STAB2: variants seen among roughly 807,000 people sequenced by gnomAD.
STAB2 encodes stabilin-2.
In STAB2, 288 loss-of-function variants were observed where a neutral mutation model predicts 338.1. The observed-to-expected ratio is 0.85, with a 90% confidence interval of 0.77 to 0.94. The LOEUF (loss-of-function observed/expected upper bound fraction) is 0.94, where lower values mean the gene tolerates loss of function less well. Ranked by LOEUF, STAB2 falls within the 40% of genes least tolerant of loss-of-function variation. The probability of loss-of-function intolerance (pLI) is 0.00; values close to 1 mark genes in which losing one functional copy is unlikely to be tolerated. For synonymous variants in STAB2, 1,202 were observed against 1,193.3 expected, an observed-to-expected ratio of 1.01 and a Z score of -0.15; for missense variants, 3,141 against 3,210.1, an observed-to-expected ratio of 0.98 and a Z score of 0.52.
intron 18 of STAB2, among the ~76,000 whole-genome samples, 179 bp downstream of exon 18, chr12:103,663,177 T>C (rs1205321696): frequency 2.6e-5 from 4 of 152,208 alleles, no homozygotes; most frequent in African/African-American, 9.6e-5. Flanking sequence ...TCATAAACTG[T>C]GAACCACAGT....
intron 44 of STAB2, among the ~76,000 whole-genome samples, chr12:103,723,836 AG>A (rs1161196033): frequency 1.3e-5 from 2 of 151,902 alleles, no homozygotes; most frequent in Non-Finnish European, 2.9e-5. Flanking sequence ...GTAAGCTCAA[AG>A]GAGGGGAGGT....
intron 33 of STAB2, among the ~76,000 whole-genome samples, chr12:103,698,327 G>C (rs894736326): frequency 3.9e-5 from 6 of 152,106 alleles, no homozygotes; most frequent in Non-Finnish European, 5.9e-5. Flanking sequence ...TTCCCTTTCT[G>C]ATCTCACTAA....
chr12:103,670,815 G>A lies in STAB2; in HGVS notation c.2371+8G>A. 4 of 1,609,348 alleles carry A rather than the reference G, an allele frequency of 2.5e-6. No individual in the cohort carries two copies. Among genetic ancestry groups the A allele is most frequent in the Non-Finnish European group, 3.4e-6 (4 of 1,176,672 alleles). On this transcript the variant is annotated splice_region_variant and intron_variant, in intron 22 of 68. Transcript: ENST00000388887. Reference sequence around the variant, plus strand: ...GACCTCGGTGTAACAAAAGTAAGTGGCACTTCCAGAGCTTCCTTCCACTCC... The same window carrying A: ...GACCTCGGTGTAACAAAAGTAAGTGACACTTCCAGAGCTTCCTTCCACTCC...
In STAB2 at chr12:103,727,296, A is replaced by C. The variant is rs1438981670; in HGVS notation, c.4881A>C (p.Pro1627=). The C allele has an allele frequency of 6.2e-7, 1 of 1,614,268 alleles. No homozygotes were observed. The highest frequency in any genetic ancestry group is 1.1e-5 in the South Asian group (1 of 91,092). Reference sequence around the variant, plus strand: ...ATTTCGTGAAAGATCTGGTCGGCCCAGGCCCCTTCACTGTTTTTGCACCTT... The same window carrying C: ...ATTTCGTGAAAGATCTGGTCGGCCCCGGCCCCTTCACTGTTTTTGCACCTT... The part of the protein sequence containing the change: ...QEHFVKDLVG[P]GPFTVFAPLS... The change falls in exon 47 of 69, where the codon CCA becomes CCC. Residue 1627 remains proline (P), a synonymous_variant. Coordinates refer to ENST00000388887, the MANE Select transcript of STAB2 (RefSeq NM_017564.10).
chr12:103,724,739 C>T (rs1046870086), intron 44 of STAB2, among the ~76,000 whole-genome samples: 2 of 152,106 alleles, frequency 1.3e-5, no homozygotes, highest in Non-Finnish European at 2.9e-5. Flanking sequence ...CTGTACAGGG[C>T]TGGAGATCTG....
intron 25 of STAB2, among the ~76,000 whole-genome samples, chr12:103,681,156 G>A (rs1876863639): frequency 6.6e-6 from 1 of 152,202 alleles, no homozygotes; most frequent in Non-Finnish European, 1.5e-5. Context: ...TCATGGGTCT[G>A]GAGAAAATTA....
intron 29 of STAB2, 107 bp downstream of exon 29, chr12:103,690,089 CT>C: frequency 6.9e-7 from 1 of 1,459,404 alleles, no homozygotes; most frequent in Non-Finnish European, 9.3e-7. Context: ...ATTCGTGGAG[CT>C]GAACATGTTC....
intron 7 of STAB2, among the ~76,000 whole-genome samples, chr12:103,637,476 C>T (rs1957566839): frequency 6.6e-6 from 1 of 152,172 alleles, no homozygotes; most frequent in South Asian, 2.1e-4. Context: ...AATGTTAGAA[C>T]ATTTAATGCT....
intron 52 of STAB2, among the ~76,000 whole-genome samples, chr12:103,736,170 A>C (rs534635111): frequency 1.3e-5 from 2 of 152,250 alleles, no homozygotes; most frequent in Non-Finnish European, 2.9e-5. Flanking sequence ...ATTCTCTTTC[A>C]TAAAAGAAAT....
intron 2 of STAB2, among the ~76,000 whole-genome samples, chr12:103,593,840 A>G (rs1342098222): frequency 6.6e-6 from 1 of 152,250 alleles, no homozygotes; most frequent in Non-Finnish European, 1.5e-5. Flanking sequence ...GTTATTCCAG[A>G]ACTATATCTC....
intron 5 of STAB2, among the ~76,000 whole-genome samples, chr12:103,625,311 T>C (rs1451512381): frequency 6.6e-6 from 1 of 152,184 alleles, no homozygotes; most frequent in Admixed American, 6.5e-5. Flanking sequence ...CCTTCACACT[T>C]AGTGTTGTGG....
chr12:103,680,791 A>C (rs1876829869), intron 25 of STAB2, among the ~76,000 whole-genome samples: 2 of 152,256 alleles, frequency 1.3e-5, no homozygotes. Flanking sequence ...TGGTGTCCCC[A>C]GAGCCAAATG....
intron 30 of STAB2, 90 bp from the exon 31 acceptor site, chr12:103,692,722 C>A: frequency 9.4e-7 from 1 of 1,061,936 alleles, no homozygotes; most frequent in Non-Finnish European, 1.4e-6. Context: ...AAGGTCACTG[C>A]TGCTCAAAAA....
At chr12:103,620,243 A>C (rs1411388248) in intron 3 of STAB2, among the ~76,000 whole-genome samples, 1 of 152,252 alleles carries the variant, frequency 6.6e-6, no homozygotes, top group Non-Finnish European at 1.5e-5. Flanking sequence ...CAAACTCTCA[A>C]GAAATGGTAG....
intron 26 of STAB2, 129 bp downstream of exon 26, chr12:103,683,429 C>T (rs1390522461): frequency 2.7e-6 from 2 of 742,960 alleles, no homozygotes; most frequent in African/African-American, 1.8e-5. Context: ...AATCTCTAAG[C>T]AGAATGCGAG....
At chr12:103,675,890 C>A in intron 23 of STAB2, 38 bp from the exon 24 acceptor site, 1 of 1,547,424 alleles carries the variant, frequency 6.5e-7, no homozygotes, top group South Asian at 1.2e-5. Context: ...GTCGTTGGTG[C>A]TTATTCTGGG....
intron 3 of STAB2, among the ~76,000 whole-genome samples, chr12:103,611,509 AC>A (rs1255048926): frequency 1.3e-5 from 2 of 151,910 alleles, no homozygotes; most frequent in Non-Finnish European, 2.9e-5. Flanking sequence ...TAGGATTGCA[AC>A]CCCTGCCTTT....
intron 8 of STAB2, among the ~76,000 whole-genome samples, chr12:103,639,142 T>C (rs1957599006): frequency 6.6e-6 from 1 of 152,230 alleles, no homozygotes. Flanking sequence ...TGTTATGCCA[T>C]GAATGTCAAG....
intron 25 of STAB2, among the ~76,000 whole-genome samples, chr12:103,682,791 T>C (rs1877039850): frequency 6.6e-6 from 1 of 151,934 alleles, no homozygotes; most frequent in Non-Finnish European, 1.5e-5. Context: ...GTACTAAAAA[T>C]ACAAAAATTA....
Sources: allele counts gnomAD v4.1 joint callset (sites outside exome capture counted in the v4.1 genomes callset), GRCh38; gene constraint gnomAD v4.1.1; transcripts MANE v1.5; gene names NCBI Gene and HGNC (gene_info 2026-07-23, HGNC 2026-07-21).